The following LRRC4C variants were observed in gnomAD, a reference collection of about 807,000 sequenced individuals.
The protein encoded by LRRC4C is leucine rich repeat containing 4C, also known as leucine-rich repeat-containing protein 4C.
LRRC4C carries 5 observed loss-of-function variants against 33.6 expected under a neutral mutation model. The ratio of observed to expected loss-of-function variants is 0.15; its 90% CI spans 0.08 to 0.31. The LOEUF (loss-of-function observed/expected upper bound fraction) is 0.31. Among genes scored for constraint, LRRC4C ranks in the 10% least tolerant of loss-of-function variants. The pLI, the probability that LRRC4C is intolerant of heterozygous loss-of-function variation, is 1.00. For missense variants in LRRC4C, 560 were observed against 796.7 expected, an observed-to-expected ratio of 0.70 and a Z score of 3.58; for synonymous variants, 329 against 302.0, an observed-to-expected ratio of 1.09 and a Z score of -0.93.
At chr11:40,177,608 C>T (rs1266031889) in intron 5 of LRRC4C, among the ~76,000 whole-genome samples, 1 of 152,234 alleles carries the variant, frequency 6.6e-6, no homozygotes, top group East Asian at 1.9e-4. Flanking sequence ...TCTTTCTGAC[C>T]TTTGCTCAAA....
chr11:40,128,487 A>G lies in LRRC4C; in HGVS notation c.-42-12153T>C, dbSNP rs527733765. Among the ~76,000 whole-genome samples, 12 of 152,338 alleles carry G rather than the reference A, an allele frequency of 7.9e-5. No homozygotes were observed. In the South Asian group the frequency reaches 2.5e-3, roughly 32 times the overall value. On this transcript the variant is annotated intron_variant, in intron 6 of 6. Coordinates refer to ENST00000528697, the MANE Select transcript of LRRC4C (RefSeq NM_001258419.2). Reference sequence around the variant, plus strand: ...CAATTTCCCTACTTTGGTTAACTGCATTATGACAATTCATTCTTTTTAGAG... The same window carrying G: ...CAATTTCCCTACTTTGGTTAACTGCGTTATGACAATTCATTCTTTTTAGAG...
chr11:41,080,342 C>CTTTTTTTTTTTTTT (rs71060997), intron 1 of LRRC4C, among the ~76,000 whole-genome samples: 3 of 103,434 alleles, frequency 2.9e-5, no homozygotes, highest in African/African-American at 3.7e-5. Context: ...GAGTCTCCTC[C>CTTTTTTTTTTTTTT]TTTTTTTTTT....
At chr11:41,375,742 A>G (rs1200777302) in intron 1 of LRRC4C, among the ~76,000 whole-genome samples, 2 of 152,178 alleles carry the variant, frequency 1.3e-5, no homozygotes, top group Non-Finnish European at 2.9e-5. Context: ...GAGAAGAAAT[A>G]GAAACTCATT....
At chr11:40,890,930 C>T (rs575724123) in intron 2 of LRRC4C, among the ~76,000 whole-genome samples, 2 of 152,204 alleles carry the variant, frequency 1.3e-5, no homozygotes, top group East Asian at 3.9e-4. Flanking sequence ...TTCAAATTTA[C>T]AGCTAGGTCT....
chr11:40,555,641 G>C (rs542161884), intron 3 of LRRC4C, among the ~76,000 whole-genome samples: 1 of 152,146 alleles, frequency 6.6e-6, no homozygotes, highest in South Asian at 2.1e-4. Flanking sequence ...GGAAGAAGAA[G>C]AATTGTTTTG....
chr11:40,280,601 A>T (rs549562948), intron 4 of LRRC4C, among the ~76,000 whole-genome samples: 1 of 152,074 alleles, frequency 6.6e-6, no homozygotes, highest in Admixed American at 6.5e-5. Context: ...CCAACTGCAG[A>T]TCTCTCTCGG....
intron 1 of LRRC4C, among the ~76,000 whole-genome samples, chr11:41,122,586 A>G (rs2135774946): frequency 6.6e-6 from 1 of 152,124 alleles, no homozygotes; most frequent in African/African-American, 2.4e-5. Flanking sequence ...CAATCATCAT[A>G]CAGGTTAGTA....
At chr11:40,406,982 G>A (rs1590637008) in intron 3 of LRRC4C, among the ~76,000 whole-genome samples, 1 of 152,122 alleles carries the variant, frequency 6.6e-6, no homozygotes, top group East Asian at 1.9e-4. Context: ...TGATGGATGT[G>A]GGCTACACAT....
chr11:40,558,583 C>G (rs555686726), intron 3 of LRRC4C, among the ~76,000 whole-genome samples: 5 of 152,152 alleles, frequency 3.3e-5, no homozygotes, highest in African/African-American at 1.2e-4. Context: ...TGATTAATTC[C>G]GTCATTACCA....
chr11:40,401,728 G>T (rs1949767670), intron 3 of LRRC4C, among the ~76,000 whole-genome samples: 1 of 152,036 alleles, frequency 6.6e-6, no homozygotes, highest in African/African-American at 2.4e-5. Flanking sequence ...GGCAGGAAGG[G>T]GAAAAATAAT....
chr11:41,021,376 A>G (rs1232500599), intron 1 of LRRC4C, among the ~76,000 whole-genome samples: 1 of 151,980 alleles, frequency 6.6e-6, no homozygotes, highest in Non-Finnish European at 1.5e-5. Flanking sequence ...CCTTTCCTAT[A>G]GCTCTAATGT....
rs575272787 is a variant in LRRC4C at position 40,737,627 on chromosome 11, C to A, written c.-406-89349G>T. On this transcript the variant is annotated intron_variant, in intron 2 of 6. Coordinates refer to ENST00000528697, the MANE Select transcript of LRRC4C (RefSeq NM_001258419.2). ...GAGTGCCTCTCATTCACAACTGCTA[C>A]AGAGAGAATAAAATACCTAGGAATA... Among the ~76,000 whole-genome samples, 9 of 151,818 alleles carry A rather than the reference C, an allele frequency of 5.9e-5. No individual in the cohort carries two copies. The South Asian group carries it at 1.9e-3, about 32-fold the overall frequency.
intron 3 of LRRC4C, among the ~76,000 whole-genome samples, chr11:40,636,811 T>C (rs1348658809): frequency 6.6e-6 from 1 of 152,160 alleles, no homozygotes; most frequent in African/African-American, 2.4e-5. Flanking sequence ...GGAATCTCAG[T>C]CCCATCTCAC....
At chr11:40,546,076 TCCTTCCTA>T (rs201837079) in intron 3 of LRRC4C, among the ~76,000 whole-genome samples, 2,090 of 66,988 alleles carry the variant, frequency 0.031, 26 homozygotes, top group Non-Finnish European at 0.052. Context: ...CTTCCTTCCT[TCCTTCCTA>T]CCTTCCTTCC....
chr11:40,694,234 G>T (rs1427223737), intron 2 of LRRC4C, among the ~76,000 whole-genome samples: 2 of 152,148 alleles, frequency 1.3e-5, no homozygotes, highest in African/African-American at 4.8e-5. Context: ...AGGGAAATTT[G>T]CTTTACCCAT....
intron 1 of LRRC4C, among the ~76,000 whole-genome samples, chr11:41,251,459 G>A (rs922781661): frequency 6.6e-6 from 1 of 152,144 alleles, no homozygotes; most frequent in East Asian, 1.9e-4. Context: ...TGTGTCCATT[G>A]TCATTAAAAT....
chr11:40,382,028 C>A (rs1159657031), intron 3 of LRRC4C, among the ~76,000 whole-genome samples: 2 of 139,608 alleles, frequency 1.4e-5, no homozygotes, highest in African/African-American at 5.4e-5. Context: ...GCAATCTCGG[C>A]TCACTGCAAG....
chr11:40,953,856 T>C (rs2199451), intron 1 of LRRC4C, among the ~76,000 whole-genome samples: 61,818 of 151,702 alleles, frequency 0.41, 14,155 homozygotes, highest in Non-Finnish European at 0.52. Flanking sequence ...AAAAACACTT[T>C]CTTATATTTT....
chr11:40,457,121 A>C (rs1952171505), intron 3 of LRRC4C, among the ~76,000 whole-genome samples: 1 of 151,552 alleles, frequency 6.6e-6, no homozygotes, highest in African/African-American at 2.4e-5. Context: ...AAAAAGAAAA[A>C]AAAAACAGTT....
Sources: gnomAD v4.1 joint callset for allele counts (sites outside exome capture counted in the v4.1 genomes callset) on GRCh38, gnomAD v4.1.1 for gene constraint, MANE v1.5 for transcripts, NCBI Gene and HGNC (gene_info 2026-07-23, HGNC 2026-07-21) for gene names.